PIGQ: variants seen among roughly 807,000 people sequenced by gnomAD.
The protein encoded by PIGQ is phosphatidylinositol glycan anchor biosynthesis class Q, also known as phosphatidylinositol N-acetylglucosaminyltransferase subunit Q.
In PIGQ, 54 loss-of-function variants were observed where a neutral mutation model predicts 60.3. That is an observed-to-expected ratio of 0.90 (90% CI 0.72 to 1.12). PIGQ has a LOEUF of 1.12. PIGQ is among the 50% of genes most tolerant of loss of function. The pLI, the probability that PIGQ is intolerant of heterozygous loss-of-function variation, is 0.00. For missense variants in PIGQ, 799 were observed against 793.5 expected (o/e 1.01, Z -0.08); for synonymous variants, 416 against 363.7 (o/e 1.14, Z -1.64).
At chr16:574,005 C>A in intron 1 of PIGQ, 61 bp from the exon 2 acceptor site, 1 of 1,227,674 alleles carries the variant, frequency 8.1e-7, no homozygotes, top group Non-Finnish European at 1.1e-6. Flanking sequence ...TGCAACATCC[C>A]GCAGCCCACG....
chr16:571,857 C>T (rs891150005), intron 1 of PIGQ, among the ~76,000 whole-genome samples: 6 of 151,382 alleles, frequency 4.0e-5, no homozygotes, highest in African/African-American at 1.5e-4. Context: ...AGAAGAGTAG[C>T]TTCTGCCCTC....
At position 579,896 on chromosome 16, in the gene PIGQ, C is replaced by T. The variant is rs764900895; in HGVS notation, c.1336-287C>T. On this transcript the variant is annotated intron_variant, in intron 7 of 10. Coordinates refer to ENST00000321878, the MANE Select transcript of PIGQ (RefSeq NM_004204.5). ...GGGCCCGTCTGCTGCTCACACTTGCCGCAGCCGCTGGATGCTGCCATGCAG... is the reference window on the plus strand; with the variant it reads ...GGGCCCGTCTGCTGCTCACACTTGCTGCAGCCGCTGGATGCTGCCATGCAG... 138 of 306,882 alleles carry T rather than the reference C, an allele frequency of 4.5e-4. 1 individual carries two copies. In the Middle Eastern group the frequency reaches 0.012, roughly 26 times the overall value. The allele number at this position is 306,882 out of a possible 1,614,324, so 19.0% of individuals were successfully genotyped here.
Position 574,701 on chromosome 16 carries a change from G to A in PIGQ, c.627G>A (p.Ser209=), listed in dbSNP as rs148590155. ...SILAELARRA[S]GPICLLLASL... ...TCGCGGAGCTGGCCAGGCGAGCCTC[G>A]GGACCCATTTGCCTGCTGTTGGCCA... is the stretch of plus-strand genomic sequence containing the variant. The change falls in exon 2 of 11, where the codon TCG becomes TCA. Residue 209 remains serine (S), a synonymous_variant. Coordinates refer to ENST00000321878, the MANE Select transcript of PIGQ (RefSeq NM_004204.5). 14 of 1,598,806 alleles carry A rather than the reference G, an allele frequency of 8.8e-6. No homozygotes were observed. Among genetic ancestry groups the A allele is most frequent in the African/African-American group, 5.3e-5 (4 of 74,768 alleles).
At chr16:575,808 G>T in intron 2 of PIGQ, 31 bp from the exon 3 acceptor site, 1 of 1,548,030 alleles carries the variant, frequency 6.5e-7, no homozygotes. Flanking sequence ...ATCTGGAGAG[G>T]GACACATCAC....
At chr16:578,193 C>T in intron 4 of PIGQ, 186 bp from the exon 5 acceptor site, 2 of 591,404 alleles carry the variant, frequency 3.4e-6, no homozygotes, top group South Asian at 2.2e-5. Flanking sequence ...TCCAGACCAG[C>T]CTCCTCAGAC....
chr16:582,364 G>C, intron 10 of PIGQ, 55 bp downstream of exon 10: 1 of 1,345,048 alleles, frequency 7.4e-7, no homozygotes, highest in Non-Finnish European at 1.0e-6. Flanking sequence ...TTCTGGGACG[G>C]TGGGGTCAGC....
At chr16:580,369 G>A in intron 8 of PIGQ, 106 bp downstream of exon 8, 1 of 817,082 alleles carries the variant, frequency 1.2e-6, no homozygotes, top group Non-Finnish European at 2.0e-6. Flanking sequence ...TCCTGCTGCA[G>A]GCCACGTGGG....
intron 4 of PIGQ, chr16:577,977 T>G (rs2035747007): frequency 5.2e-6 from 1 of 191,292 alleles, no homozygotes; most frequent in Non-Finnish European, 1.1e-5. Flanking sequence ...GGGGACTGTG[T>G]CAGCTGTGGG....
chr16:571,958 G>A (rs1369514039), intron 1 of PIGQ, among the ~76,000 whole-genome samples: 3 of 152,052 alleles, frequency 2.0e-5, no homozygotes, highest in Admixed American at 1.3e-4. Flanking sequence ...AAAGCGCACA[G>A]ATCGTGAGCA....
chr16:575,720 G>A, intron 2 of PIGQ, 119 bp from the exon 3 acceptor site: 3 of 1,117,076 alleles, frequency 2.7e-6, no homozygotes, highest in Non-Finnish European at 3.8e-6. Context: ...CCTCCCACCT[G>A]CCCCCTGTCC....
At chr16:578,025 G>C (rs923557690) in intron 4 of PIGQ, 3 of 229,842 alleles carry the variant, frequency 1.3e-5, no homozygotes, top group Non-Finnish European at 2.6e-5. Flanking sequence ...GGGTCTGCCA[G>C]GCCTCAGTGC....
intron 6 of PIGQ, 37 bp from the exon 7 acceptor site, chr16:579,032 G>A (rs779517000): frequency 1.2e-5 from 18 of 1,552,356 alleles, no homozygotes; most frequent in East Asian, 6.8e-5. Flanking sequence ...GGGGCGGGGC[G>A]GGGCGGGGCC....
chr16:571,118 CTGGTGCCCGTG>C (rs149905001), intron 1 of PIGQ, among the ~76,000 whole-genome samples: 1 of 4,470 alleles, frequency 2.2e-4, no homozygotes, highest in Non-Finnish European at 3.8e-4. Flanking sequence ...TCTGGCTAGC[CTGGTGCCCGTG>C]TGTGTGTGTG....
intron 1 of PIGQ, among the ~76,000 whole-genome samples, chr16:573,512 G>A (rs1014277562): frequency 4.6e-5 from 7 of 152,194 alleles, no homozygotes; most frequent in Non-Finnish European, 8.8e-5. Flanking sequence ...GGGGCTGCCC[G>A]CCGTGCGCAC....
At chr16:571,091 G>A (rs1455677708) in intron 1 of PIGQ, among the ~76,000 whole-genome samples, 2 of 20,302 alleles carry the variant, frequency 9.9e-5, no homozygotes, top group African/African-American at 2.0e-4. Context: ...GTGTGTGTGT[G>A]TGTGTGTGTG....
At chr16:570,194 CGCT>C (rs1367875461) in intron 1 of PIGQ, 98 bp downstream of exon 1, 1 of 151,800 alleles carries the variant, frequency 6.6e-6, no homozygotes, top group Non-Finnish European at 1.5e-5. Flanking sequence ...CCCGCGGCGC[CGCT>C]GCTTTCTCCT....
At chr16:572,790 T>C (rs1318322198) in intron 1 of PIGQ, among the ~76,000 whole-genome samples, 1 of 148,720 alleles carries the variant, frequency 6.7e-6, no homozygotes, top group Non-Finnish European at 1.5e-5. Context: ...TCCCTAAGGA[T>C]GTGGTGGGCA....
chr16:582,321 T>G lies in PIGQ; in HGVS notation c.1593+12T>G, dbSNP rs761271412. 2.5e-6 allele frequency: 4 copies of G among 1,586,878 alleles called. No homozygotes were observed. The highest frequency in any genetic ancestry group is 3.4e-5 in the Admixed American group (2 of 58,750). The stretch of plus-strand genomic sequence containing the variant: ...GCCTCCTGATGCAGGTGAGGCCCCT[T>G]GTGGCCAGGACGCCCCTACGCTGCT... On this transcript the variant is annotated intron_variant, in intron 10 of 10. Transcript: ENST00000321878.
rs548120775 is a variant in PIGQ, at chr16:579,865, T to G, written c.1336-318T>G. On this transcript the variant is annotated intron_variant, in intron 7 of 10. Coordinates refer to ENST00000321878, the MANE Select transcript of PIGQ (RefSeq NM_004204.5). Reference sequence around the variant, plus strand: ...AGGTGCCCGGGCTCGGAGACTAGAGTTGCCCGGGCCCGTCTGCTGCTCACA... The same window carrying G: ...AGGTGCCCGGGCTCGGAGACTAGAGGTGCCCGGGCCCGTCTGCTGCTCACA... 2.4e-3 allele frequency: 493 copies of G among 209,536 alleles called. 10 individuals carry two copies. Among genetic ancestry groups the G allele is most frequent in the Admixed American group, 0.021 (347 of 16,530 alleles). The allele number at this position is 209,536 out of a possible 1,614,324, so 13.0% of individuals were successfully genotyped here.
Sources: gnomAD v4.1 joint callset for allele counts (sites outside exome capture counted in the v4.1 genomes callset) on GRCh38, gnomAD v4.1.1 for gene constraint, MANE v1.5 for transcripts, NCBI Gene and HGNC (gene_info 2026-07-23, HGNC 2026-07-21) for gene names.